Variants in ZEB1 observed in about 807,000 individuals in gnomAD.
ZEB1 encodes the protein zinc finger E-box binding homeobox 1.
A neutral mutation model predicts 84.9 loss-of-function variants in ZEB1; 21 were observed. The observed-to-expected ratio is 0.25, with a 90% confidence interval of 0.18 to 0.36. ZEB1 has a LOEUF of 0.36. Among genes scored for constraint, ZEB1 ranks in the 10% least tolerant of loss-of-function variants. The probability of loss-of-function intolerance (pLI) is 1.00; values close to 1 mark genes in which losing one functional copy is unlikely to be tolerated. For missense variants in ZEB1, 1,104 were observed against 1,330.2 expected (o/e 0.83, Z 2.65); for synonymous variants, 420 against 471.1 (o/e 0.89, Z 1.41).
chr10:31,406,907 A>G (rs1193318621), intron 1 of ZEB1, among the ~76,000 whole-genome samples: 2 of 152,108 alleles, frequency 1.3e-5, no homozygotes, highest in Non-Finnish European at 1.5e-5. Flanking sequence ...AGTTTTCTGC[A>G]TATGGCTAGC....
chr10:31,493,020 T>C (rs2066753984), intron 2 of ZEB1, among the ~76,000 whole-genome samples: 2 of 152,068 alleles, frequency 1.3e-5, no homozygotes, highest in South Asian at 4.1e-4. Flanking sequence ...TAACATAATA[T>C]AATGTCACAA....
chr10:31,348,491 G>A (rs2040724303), intron 1 of ZEB1, among the ~76,000 whole-genome samples: 1 of 152,172 alleles, frequency 6.6e-6, no homozygotes, highest in Non-Finnish European at 1.5e-5. Context: ...TTGCACCTGG[G>A]TGGTGGAGGT....
chr10:31,519,514 G>A (rs2139763527), intron 6 of ZEB1, among the ~76,000 whole-genome samples: 1 of 152,246 alleles, frequency 6.6e-6, no homozygotes, highest in South Asian at 2.1e-4. Context: ...ACTCCAAGGT[G>A]CTTTGATACC....
intron 1 of ZEB1, among the ~76,000 whole-genome samples, chr10:31,389,297 T>C (rs534957273): frequency 4.6e-5 from 7 of 152,298 alleles, no homozygotes; most frequent in African/African-American, 1.7e-4. Context: ...CGAGGGCTTC[T>C]TCCATTGAAA....
intron 8 of ZEB1, 38 bp from the exon 9 acceptor site, chr10:31,526,634 A>AT: frequency 6.2e-7 from 1 of 1,608,926 alleles, no homozygotes; most frequent in Non-Finnish European, 8.5e-7. Context: ...TATTTGCTGA[A>AT]TACCACCATT....
intron 1 of ZEB1, among the ~76,000 whole-genome samples, chr10:31,450,799 T>C (rs1171640497): frequency 6.6e-6 from 1 of 152,210 alleles, no homozygotes; most frequent in East Asian, 1.9e-4. Flanking sequence ...TTTTCTAATA[T>C]TAAGTAATGT....
At chr10:31,387,885 C>A (rs778681507) in intron 1 of ZEB1, 7 of 412,824 alleles carry the variant, frequency 1.7e-5, no homozygotes, top group Non-Finnish European at 2.0e-5. Flanking sequence ...TTGGCAATTT[C>A]TTTTTCGTCT....
At chr10:31,461,611 C>G in intron 2 of ZEB1, among the ~76,000 whole-genome samples, 1 of 152,012 alleles carries the variant, frequency 6.6e-6, no homozygotes, top group East Asian at 1.9e-4. Flanking sequence ...GCAAAAATCC[C>G]AAACACATAT....
intron 1 of ZEB1, among the ~76,000 whole-genome samples, chr10:31,450,716 A>T (rs1466463081): frequency 6.6e-6 from 1 of 152,068 alleles, no homozygotes; most frequent in East Asian, 1.9e-4. Context: ...GGAATGGTGA[A>T]TTTTTTTCAA....
At chr10:31,423,023 A>G (rs2056414976) in intron 1 of ZEB1, among the ~76,000 whole-genome samples, 1 of 152,072 alleles carries the variant, frequency 6.6e-6, no homozygotes, top group African/African-American at 2.4e-5. Flanking sequence ...ATGGCTGCGT[A>G]GCATTTCATG....
chr10:31,402,530 G>A (rs184553970), intron 1 of ZEB1, among the ~76,000 whole-genome samples: 5 of 152,044 alleles, frequency 3.3e-5, no homozygotes, highest in Admixed American at 6.6e-5. Context: ...TACTGGTGGG[G>A]CCCTGGACAA....
intron 1 of ZEB1, among the ~76,000 whole-genome samples, chr10:31,323,964 CGTGTGT>C (rs3057772): frequency 0.013 from 1,914 of 146,366 alleles, 16 homozygotes; most frequent in African/African-American, 0.024. Context: ...CATGGTTCTT[CGTGTGT>C]GTGTGTGTGT....
intron 2 of ZEB1, among the ~76,000 whole-genome samples, chr10:31,486,592 T>A (rs1340054625): frequency 6.6e-6 from 1 of 151,366 alleles, no homozygotes; most frequent in Non-Finnish European, 1.5e-5. Context: ...TTTCTTTTTT[T>A]AATTATACTT....
At chr10:31,466,137 T>C (rs1235703121) in intron 2 of ZEB1, among the ~76,000 whole-genome samples, 2 of 152,108 alleles carry the variant, frequency 1.3e-5, no homozygotes, top group Non-Finnish European at 2.9e-5. Flanking sequence ...AAAGAAAAAA[T>C]ATAACTGAAG....
rs553913348 is a variant in ZEB1 at position 31,336,995 on chromosome 10, C to G, written c.58+17703C>G. On this transcript the variant is annotated intron_variant, in intron 1 of 8. Coordinates refer to ENST00000424869, the MANE Select transcript of ZEB1 (RefSeq NM_001174096.2). Reference sequence around the variant, plus strand: ...TAGAGAAATCTCTATACAGACATACCAGGTAATGTATGTAGTTGTTTATAC... The same window carrying G: ...TAGAGAAATCTCTATACAGACATACGAGGTAATGTATGTAGTTGTTTATAC... Among the ~76,000 whole-genome samples, 10 of 152,080 alleles carry G rather than the reference C, an allele frequency of 6.6e-5. No homozygotes were observed. The East Asian group carries it at 1.7e-3, about 26-fold the overall frequency.
At chr10:31,362,492 C>T (rs2043435839) in intron 1 of ZEB1, among the ~76,000 whole-genome samples, 1 of 141,704 alleles carries the variant, frequency 7.1e-6, no homozygotes, top group Admixed American at 7.0e-5. Flanking sequence ...GGGCGGCGGC[C>T]TGGCGGAGGC....
intron 1 of ZEB1, among the ~76,000 whole-genome samples, chr10:31,411,314 A>G (rs550077503): frequency 7.2e-5 from 11 of 152,192 alleles, no homozygotes; most frequent in Non-Finnish European, 1.0e-4. Context: ...TTTGATAACA[A>G]TGAGAACAAA....
At chr10:31,504,514 G>A (rs1274516919) in intron 4 of ZEB1, among the ~76,000 whole-genome samples, 1 of 152,038 alleles carries the variant, frequency 6.6e-6, no homozygotes, top group Non-Finnish European at 1.5e-5. Context: ...TTTTGATAGG[G>A]ATTGGATTGA....
At chr10:31,366,583 A>G (rs1397282061) in intron 1 of ZEB1, among the ~76,000 whole-genome samples, 1 of 152,226 alleles carries the variant, frequency 6.6e-6, no homozygotes, top group African/African-American at 2.4e-5. Context: ...TAGATTTTTG[A>G]GCAGAGAATA....
Sources: allele counts gnomAD v4.1 joint callset (sites outside exome capture counted in the v4.1 genomes callset), GRCh38; gene constraint gnomAD v4.1.1; transcripts MANE v1.5; gene names NCBI Gene and HGNC (gene_info 2026-07-23, HGNC 2026-07-21).